CLASP1: variants seen among roughly 807,000 people sequenced by gnomAD.
The protein encoded by CLASP1 is CLIP-associating protein 1.
In CLASP1, 38 loss-of-function variants were observed where a neutral mutation model predicts 192.3. The observed-to-expected ratio is 0.20, with a 90% confidence interval of 0.15 to 0.26. The LOEUF is 0.26. Among genes scored for constraint, CLASP1 ranks in the 10% least tolerant of loss-of-function variants. The probability of loss-of-function intolerance (pLI) is 1.00; values close to 1 mark genes in which losing one functional copy is unlikely to be tolerated. For synonymous variants in CLASP1, 691 were observed against 712.8 expected (o/e 0.97, Z 0.49); for missense variants, 1,433 against 1,932.5 (o/e 0.74, Z 4.85).
At chr2:121,337,879 C>T (rs2062463713) in exon 40 of CLASP1, 1 of 151,316 alleles carries the variant, frequency 6.6e-6, no homozygotes, top group African/African-American at 2.4e-5. Context: ...TGTACATTTG[C>T]CATGATACAC....
chr2:121,573,449 C>T lies in CLASP1; in HGVS notation c.195+32252G>A, dbSNP rs2060167724. ...ACAACTGTTAAATAACAATATTGCA[C>T]TATTTGGCCCAAAAGTATCATGGTC... On this transcript the variant is annotated intron_variant, in intron 2 of 39. Transcript: ENST00000263710. Among the ~76,000 whole-genome samples the T allele has an allele frequency of 2.0e-5, 3 of 152,214 alleles. No homozygotes were observed. The South Asian group carries it at 6.2e-4, about 31-fold the overall frequency.
At chr2:121,415,745 T>C (rs1265621390) in intron 23 of CLASP1, among the ~76,000 whole-genome samples, 3 of 152,210 alleles carry the variant, frequency 2.0e-5, no homozygotes, top group African/African-American at 7.2e-5. Flanking sequence ...TGCTACATTT[T>C]ATCTGTACTA....
At chr2:121,499,395 C>A (rs543964592) in intron 8 of CLASP1, among the ~76,000 whole-genome samples, 5 of 151,456 alleles carry the variant, frequency 3.3e-5, no homozygotes, top group Admixed American at 1.3e-4. Context: ...GAAAATAGGA[C>A]GCCAGAAACT....
At chr2:121,387,793 G>T in exon 31 of CLASP1, 2 of 1,613,936 alleles carry the variant, frequency 1.2e-6, no homozygotes, top group Non-Finnish European at 1.7e-6. Flanking sequence ...TCTTGAGGTG[G>T]TTGTGCAGGA....
intron 37 of CLASP1, among the ~76,000 whole-genome samples, chr2:121,359,146 T>A (rs1449125702): frequency 6.6e-6 from 1 of 152,276 alleles, no homozygotes; most frequent in Non-Finnish European, 1.5e-5. Context: ...TACAATGATT[T>A]ATAATTAGTA....
intron 27 of CLASP1, 62 bp from the exon 29 acceptor site, chr2:121,401,734 C>A: frequency 7.0e-7 from 1 of 1,425,846 alleles, no homozygotes. Flanking sequence ...CCAAAGTCTA[C>A]AAAACATTAA....
At chr2:121,470,488 T>C (rs952295188) in intron 8 of CLASP1, among the ~76,000 whole-genome samples, 1 of 152,080 alleles carries the variant, frequency 6.6e-6, no homozygotes, top group Non-Finnish European at 1.5e-5. Context: ...TATGTAAATT[T>C]TTCCTCTGTG....
intron 8 of CLASP1, among the ~76,000 whole-genome samples, chr2:121,500,392 GAAA>G (rs1559450002): frequency 8.9e-6 from 1 of 112,202 alleles, no homozygotes; most frequent in Non-Finnish European, 1.9e-5. Context: ...AAGAAAGAAA[GAAA>G]GAAAAGAAAG....
chr2:121,445,038 T>C (rs2084073478), intron 19 of CLASP1: 1 of 892,874 alleles, frequency 1.1e-6, no homozygotes, highest in African/African-American at 1.8e-5. Context: ...AAAAGCCGAA[T>C]GTTATTAGCT....
chr2:121,442,665 A>G (rs1400972573), intron 19 of CLASP1, among the ~76,000 whole-genome samples: 1 of 152,090 alleles, frequency 6.6e-6, no homozygotes. Context: ...TTCTTAATAG[A>G]GACGGGGTTT....
At chr2:121,398,328 G>A in exon 29 of CLASP1, 1 of 1,593,544 alleles carries the variant, frequency 6.3e-7, no homozygotes, top group South Asian at 1.1e-5. Flanking sequence ...TGACCTTGAG[G>A]TTTGGAGTTT....
At chr2:121,415,938 A>C (rs2078493842) in intron 23 of CLASP1, among the ~76,000 whole-genome samples, 1 of 152,230 alleles carries the variant, frequency 6.6e-6, no homozygotes, top group South Asian at 2.1e-4. Context: ...AAAGGAAAAT[A>C]TCCCTTTCTC....
intron 7 of CLASP1, among the ~76,000 whole-genome samples, chr2:121,515,368 A>T (rs2094258624): frequency 6.6e-6 from 1 of 152,244 alleles, no homozygotes; most frequent in African/African-American, 2.4e-5. Flanking sequence ...AATCATAGAT[A>T]CAGAACCATA....
chr2:121,620,669 A>G (rs2067194401), intron 1 of CLASP1, among the ~76,000 whole-genome samples: 1 of 152,144 alleles, frequency 6.6e-6, no homozygotes, highest in African/African-American at 2.4e-5. Flanking sequence ...TCATGGATGT[A>G]CTGGCCATTT....
At chr2:121,604,304 A>G (rs2064149455) in intron 2 of CLASP1, among the ~76,000 whole-genome samples, 1 of 152,250 alleles carries the variant, frequency 6.6e-6, no homozygotes, top group Non-Finnish European at 1.5e-5. Context: ...CAAACACATA[A>G]GAAGCAATTG....
intron 19 of CLASP1, among the ~76,000 whole-genome samples, chr2:121,437,352 T>C (rs1490385107): frequency 2.0e-5 from 3 of 152,212 alleles, no homozygotes; most frequent in African/African-American, 7.2e-5. Flanking sequence ...CTTGATAGCC[T>C]CTTACTCCCT....
chr2:121,615,092 C>A (rs2066234745), intron 1 of CLASP1, among the ~76,000 whole-genome samples: 1 of 152,228 alleles, frequency 6.6e-6, no homozygotes, highest in Non-Finnish European at 1.5e-5. Flanking sequence ...GTAATCCCAG[C>A]ACTTTGGGAG....
At chr2:121,557,176 G>A (rs981316831) in intron 2 of CLASP1, among the ~76,000 whole-genome samples, 1 of 152,198 alleles carries the variant, frequency 6.6e-6, no homozygotes, top group Non-Finnish European at 1.5e-5. Context: ...TCAAGAGCAC[G>A]TGATAGAACT....
chr2:121,360,467 T>C (rs1249926022), intron 37 of CLASP1, among the ~76,000 whole-genome samples: 1 of 152,120 alleles, frequency 6.6e-6, no homozygotes, highest in African/African-American at 2.4e-5. Flanking sequence ...TTACGTGCCA[T>C]ATTAATATGC....
Sources: gnomAD v4.1 joint callset for allele counts (sites outside exome capture counted in the v4.1 genomes callset) on GRCh38, gnomAD v4.1.1 for gene constraint, MANE v1.5 for transcripts, NCBI Gene and HGNC (gene_info 2026-07-23, HGNC 2026-07-21) for gene names.